The following C1orf21 variants were observed in gnomAD, a reference collection of about 807,000 sequenced individuals.
The protein encoded by C1orf21 is uncharacterized protein C1orf21.
A neutral mutation model predicts 18.7 loss-of-function variants in C1orf21; 3 were observed. That is an observed-to-expected ratio of 0.16 (90% CI 0.07 to 0.42). C1orf21 has a LOEUF of 0.42. C1orf21 is among the 10% of genes least tolerant of loss of function. The pLI is 0.99. For missense variants in C1orf21, 104 were observed against 143.6 expected, an observed-to-expected ratio of 0.72 and a Z score of 1.41; for synonymous variants, 41 against 46.4, an observed-to-expected ratio of 0.88 and a Z score of 0.47.
intron 2 of C1orf21, among the ~76,000 whole-genome samples, chr1:184,482,655 A>G (rs1657675546): frequency 6.6e-6 from 1 of 152,130 alleles, no homozygotes; most frequent in South Asian, 2.1e-4. Context: ...TTATTACCAC[A>G]TGTTGTTGAA....
chr1:184,404,076 T>C (rs1656205209), intron 1 of C1orf21, among the ~76,000 whole-genome samples: 1 of 152,224 alleles, frequency 6.6e-6, no homozygotes, highest in African/African-American at 2.4e-5. Flanking sequence ...AATCGGATAA[T>C]AGCCCATGAA....
intron 3 of C1orf21, among the ~76,000 whole-genome samples, chr1:184,587,960 T>C (rs1659381885): frequency 6.6e-6 from 1 of 152,164 alleles, no homozygotes; most frequent in South Asian, 2.1e-4. Context: ...CCTGAGACTT[T>C]GGATGCATAT....
Position 184,623,146 on chromosome 1 carries a change from G to A in C1orf21, c.*3590G>A, listed in dbSNP as rs1659951145. ...GCATGTGGATTACAAGTCCTGCTTTGACACTGGGCAAGAATTTAAGATTGT... is the reference window on the plus strand; with the variant it reads ...GCATGTGGATTACAAGTCCTGCTTTAACACTGGGCAAGAATTTAAGATTGT... On this transcript the variant is annotated 3_prime_UTR_variant, in exon 6 of 6. Transcript: ENST00000235307. 6.6e-6 allele frequency: 1 copy of A among 152,176 alleles called. No individual in the cohort carries two copies. The highest frequency in any genetic ancestry group is 1.5e-5 in the Non-Finnish European group (1 of 68,026). The allele number at this position is 152,176 out of a possible 1,614,324, so 9.4% of individuals were successfully genotyped here.
intron 1 of C1orf21, among the ~76,000 whole-genome samples, chr1:184,395,670 C>A (rs1464149354): frequency 6.6e-6 from 1 of 152,086 alleles, no homozygotes; most frequent in Non-Finnish European, 1.5e-5. Context: ...GCACCAAGCT[C>A]TGTTTAGTGG....
chr1:184,428,020 A>G (rs1054083167), intron 1 of C1orf21, among the ~76,000 whole-genome samples: 3 of 152,200 alleles, frequency 2.0e-5, no homozygotes, highest in African/African-American at 7.2e-5. Flanking sequence ...CAGCTGTACA[A>G]CCTTGGGCAA....
intron 2 of C1orf21, among the ~76,000 whole-genome samples, chr1:184,492,829 T>C (rs1410947798): frequency 6.6e-6 from 1 of 152,216 alleles, no homozygotes; most frequent in Admixed American, 6.5e-5. Flanking sequence ...GGTCCTGTTG[T>C]TTGAAAAGGA....
intron 1 of C1orf21, among the ~76,000 whole-genome samples, chr1:184,437,163 G>A (rs773060460): frequency 6.6e-6 from 1 of 152,102 alleles, no homozygotes; most frequent in African/African-American, 2.4e-5. Context: ...AGGATTCTCA[G>A]TTATCTAGCT....
chr1:184,408,660 T>C (rs957369820), intron 1 of C1orf21, among the ~76,000 whole-genome samples: 2 of 152,200 alleles, frequency 1.3e-5, no homozygotes, highest in African/African-American at 2.4e-5. Context: ...TTAAACTGTT[T>C]ACCATCAAGG....
At chr1:184,616,747 A>C (rs1035293652) in intron 5 of C1orf21, among the ~76,000 whole-genome samples, 1 of 121,136 alleles carries the variant, frequency 8.3e-6, no homozygotes, top group Non-Finnish European at 1.7e-5. Flanking sequence ...GTGTGTGTGT[A>C]TCTGTCTGCC....
At chr1:184,474,094 T>C (rs1657535182) in intron 1 of C1orf21, among the ~76,000 whole-genome samples, 1 of 152,244 alleles carries the variant, frequency 6.6e-6, no homozygotes, top group Admixed American at 6.5e-5. Flanking sequence ...GCCCCTCAAA[T>C]GACTTCATAA....
At chr1:184,463,994 A>G (rs1657348311) in intron 1 of C1orf21, among the ~76,000 whole-genome samples, 1 of 152,218 alleles carries the variant, frequency 6.6e-6, no homozygotes, top group South Asian at 2.1e-4. Flanking sequence ...CTTTCTATTT[A>G]AGAGGAAGAC....
intron 3 of C1orf21, among the ~76,000 whole-genome samples, chr1:184,550,097 T>C (rs527704138): frequency 1.3e-5 from 2 of 152,342 alleles, no homozygotes; most frequent in East Asian, 3.9e-4. Flanking sequence ...GTTTAAGTCA[T>C]GATGTGACAA....
At chr1:184,564,235 C>G (rs986810283) in intron 3 of C1orf21, among the ~76,000 whole-genome samples, 1 of 152,158 alleles carries the variant, frequency 6.6e-6, no homozygotes, top group Non-Finnish European at 1.5e-5. Flanking sequence ...TGCAAAATAC[C>G]TAGACTGGAC....
chr1:184,598,274 T>C, intron 4 of C1orf21, 127 bp from the exon 5 acceptor site: 2 of 739,904 alleles, frequency 2.7e-6, no homozygotes, highest in South Asian at 1.9e-5. Context: ...CTTCAGAGTA[T>C]TTCAGTGGAA....
At chr1:184,475,199 T>C (rs1461175843) in intron 1 of C1orf21, among the ~76,000 whole-genome samples, 1 of 152,190 alleles carries the variant, frequency 6.6e-6, no homozygotes, top group Non-Finnish European at 1.5e-5. Context: ...ACAACTCATT[T>C]AATATTTTCT....
intron 1 of C1orf21, among the ~76,000 whole-genome samples, chr1:184,449,507 C>T (rs1374184501): frequency 2.6e-5 from 4 of 152,144 alleles, no homozygotes; most frequent in Non-Finnish European, 5.9e-5. Context: ...CCGCAATAAA[C>T]ATATATGTGC....
intron 1 of C1orf21, among the ~76,000 whole-genome samples, chr1:184,441,510 A>C (rs1178205720): frequency 6.6e-6 from 1 of 152,194 alleles, no homozygotes; most frequent in Non-Finnish European, 1.5e-5. Context: ...TTTAAATCCA[A>C]TTCCAAAATA....
chr1:184,551,907 G>A (rs1195733863), intron 3 of C1orf21, among the ~76,000 whole-genome samples: 1 of 146,746 alleles, frequency 6.8e-6, no homozygotes, highest in Non-Finnish European at 1.5e-5. Context: ...CTACACCACT[G>A]TAATTGAGCC....
At chr1:184,606,953 A>T (rs1477438303) in intron 5 of C1orf21, among the ~76,000 whole-genome samples, 3 of 152,214 alleles carry the variant, frequency 2.0e-5, no homozygotes, top group Non-Finnish European at 4.4e-5. Context: ...GGAAGGAATT[A>T]TGAGGCACAT....
Sources: gnomAD v4.1 joint callset for allele counts (sites outside exome capture counted in the v4.1 genomes callset) on GRCh38, gnomAD v4.1.1 for gene constraint, MANE v1.5 for transcripts, NCBI Gene and HGNC (gene_info 2026-07-23, HGNC 2026-07-21) for gene names.